Variants in MMAA observed in about 807,000 individuals in gnomAD.
MMAA encodes the protein methylmalonic aciduria type A protein, mitochondrial.
Under a neutral mutation model 45.0 loss-of-function variants are expected in MMAA, and 41 were observed. The ratio of observed to expected loss-of-function variants is 0.91; its 90% CI spans 0.71 to 1.18. MMAA has a LOEUF of 1.18. Among genes scored for constraint, MMAA ranks in the 50% most tolerant of loss-of-function variants. MMAA has a pLI of 0.00. For synonymous variants in MMAA, 154 were observed against 178.2 expected, an observed-to-expected ratio of 0.86 and a Z score of 1.08; for missense variants, 460 against 495.7, an observed-to-expected ratio of 0.93 and a Z score of 0.68.
intron 1 of MMAA, among the ~76,000 whole-genome samples, chr4:145,637,795 A>C (rs1391873953): frequency 6.6e-6 from 1 of 152,202 alleles, no homozygotes; most frequent in East Asian, 1.9e-4. Context: ...AGCTAAGGTT[A>C]ATTGAGCTCT....
At chr4:145,641,102 A>G (rs1005905758) in intron 2 of MMAA, among the ~76,000 whole-genome samples, 13 of 152,180 alleles carry the variant, frequency 8.5e-5, no homozygotes, top group African/African-American at 3.1e-4. Flanking sequence ...CAGACTTCTT[A>G]ATCTTCTGCC....
chr4:145,654,621 C>T (rs1437126473), intron 6 of MMAA, among the ~76,000 whole-genome samples: 5 of 152,152 alleles, frequency 3.3e-5, no homozygotes, highest in African/African-American at 1.2e-4. Flanking sequence ...ATAATGAGGA[C>T]AATGATGACT....
intron 1 of MMAA, chr4:145,624,325 G>A: frequency 1.3e-6 from 1 of 789,610 alleles, no homozygotes; most frequent in East Asian, 2.4e-5. Context: ...TTTCGAAGCA[G>A]TCACTTGTCT....
chr4:145,639,908 A>G lies in MMAA; in HGVS notation c.439+330A>G, dbSNP rs374709520. The G allele has an allele frequency of 3.4e-5, 29 of 852,610 alleles. No individual in the cohort carries two copies. In the East Asian group the frequency reaches 1.6e-3, roughly 46 times the overall value. The allele number at this position is 852,610 out of a possible 1,614,324, so 52.8% of individuals were successfully genotyped here. A position where few individuals can be genotyped will look rare whatever the true frequency, so the allele number is the denominator to read the frequency against. On this transcript the variant is annotated intron_variant, in intron 2 of 6. Coordinates refer to ENST00000649156, the MANE Select transcript of MMAA (RefSeq NM_172250.3). ...TTCTTTTAGTAGTCCTTCTGCTTAA[A>G]TAGTTTAAAGTGAATTCCCTGTTTT...
chr4:145,643,968 G>GA (rs1463977692), intron 3 of MMAA, among the ~76,000 whole-genome samples: 1 of 151,818 alleles, frequency 6.6e-6, no homozygotes, highest in Non-Finnish European at 1.5e-5. Context: ...GACTTTGAAA[G>GA]AAAAAAATAC....
chr4:145,651,790 G>A (rs556591958), intron 5 of MMAA, among the ~76,000 whole-genome samples: 52 of 152,318 alleles, frequency 3.4e-4, no homozygotes, highest in African/African-American at 1.2e-3. Context: ...TCCACAGACT[G>A]GGGGTAAGGG....
At position 145,657,081 on chromosome 4, in the gene MMAA, GC is replaced by G. The variant is rs1368678605; in HGVS notation, c.*1649del. ...TGTTACAGGGAATAACAAATCTCCT[GC>G]CACATGTGGCACAGTGTAAGTAATG... On this transcript the variant is annotated 3_prime_UTR_variant, in exon 7 of 7. Transcript: ENST00000649156. The G allele has an allele frequency of 6.6e-6, 1 of 152,128 alleles. No individual in the cohort carries two copies. Among genetic ancestry groups the G allele is most frequent in the East Asian group, 1.9e-4 (1 of 5,186 alleles). The allele number at this position is 152,128 out of a possible 1,614,324, so 9.4% of individuals were successfully genotyped here. A position where few individuals can be genotyped will look rare whatever the true frequency, so the allele number is the denominator to read the frequency against.
At chr4:145,637,176 G>C (rs1727638627) in intron 1 of MMAA, among the ~76,000 whole-genome samples, 1 of 152,102 alleles carries the variant, frequency 6.6e-6, no homozygotes, top group Non-Finnish European at 1.5e-5. Flanking sequence ...AGAAAATAGT[G>C]GTTGAATAAA....
intron 1 of MMAA, chr4:145,624,216 A>G: frequency 1.2e-6 from 1 of 827,814 alleles, no homozygotes; most frequent in Non-Finnish European, 2.2e-6. Flanking sequence ...TAAGCTGCAT[A>G]CAGGCAAAGA....
Position 145,653,999 on chromosome 4 carries a change from CAAAAGGGG to C in MMAA, c.826_833del (p.Lys276TyrfsTer12). ...AATGTTTCTGATCTCTTTAGGGTAT[CAAAAGGGG>C]TATAATCGAGATGGCAGATCTGGTA... On this transcript the variant is annotated frameshift_variant, in exon 6 of 7. Transcript: ENST00000649156. LOFTEE classifies it high-confidence loss of function. 6.2e-7 allele frequency: 1 copy of C among 1,614,028 alleles called. No individual in the cohort carries two copies. Among genetic ancestry groups the C allele is most frequent in the Non-Finnish European group, 8.5e-7 (1 of 1,179,966 alleles).
chr4:145,648,086 C>T (rs2126624607), intron 4 of MMAA, among the ~76,000 whole-genome samples: 1 of 150,368 alleles, frequency 6.7e-6, no homozygotes, highest in African/African-American at 2.5e-5. Context: ...GTCTCGAACT[C>T]CTGACCTTGT....
intron 1 of MMAA, among the ~76,000 whole-genome samples, chr4:145,635,543 T>G (rs745811568): frequency 9.2e-5 from 14 of 152,226 alleles, no homozygotes; most frequent in Non-Finnish European, 1.8e-4. Flanking sequence ...AAATGATTGG[T>G]GAAGCCTTGT....
intron 1 of MMAA, among the ~76,000 whole-genome samples, chr4:145,631,969 T>G (rs1445144489): frequency 1.3e-5 from 2 of 152,234 alleles, no homozygotes; most frequent in African/African-American, 4.8e-5. Flanking sequence ...TTGTTGTTTC[T>G]GTTCATATAT....
chr4:145,644,783 G>A (rs1173056202), intron 3 of MMAA, among the ~76,000 whole-genome samples: 2 of 152,164 alleles, frequency 1.3e-5, no homozygotes, highest in Non-Finnish European at 2.9e-5. Context: ...CAAGTTTGGC[G>A]GTAGTGACAT....
intron 1 of MMAA, among the ~76,000 whole-genome samples, chr4:145,629,741 G>T (rs983413106): frequency 6.6e-6 from 1 of 152,162 alleles, no homozygotes; most frequent in Admixed American, 6.5e-5. Context: ...CCCATCTTAC[G>T]TGGATGGCGG....
At chr4:145,626,330 C>T (rs374978477) in intron 1 of MMAA, among the ~76,000 whole-genome samples, 10 of 152,254 alleles carry the variant, frequency 6.6e-5, no homozygotes, top group African/African-American at 2.4e-4. Flanking sequence ...TATATTGGCT[C>T]TTAAAAAATT....
chr4:145,633,267 C>T (rs56157433), intron 1 of MMAA, among the ~76,000 whole-genome samples: 10,618 of 135,738 alleles, frequency 0.078, 502 homozygotes, highest in South Asian at 0.15. Context: ...GATGCGATCT[C>T]GGCTCACCAC....
rs564966060 is a variant in MMAA, at chr4:145,622,060, C to G, written c.-66+2653C>G. Among the ~76,000 whole-genome samples, 11 of 152,198 alleles carry G rather than the reference C, an allele frequency of 7.2e-5. No individual in the cohort carries two copies. The South Asian group carries it at 2.1e-3, about 29-fold the overall frequency. On this transcript the variant is annotated intron_variant, in intron 1 of 6. Transcript: ENST00000649156. ...TGAGCAAATAATTGTGCTATAAATACAAAGATAACTGATATGGTTTGGCTG... is the reference window on the plus strand; with the variant it reads ...TGAGCAAATAATTGTGCTATAAATAGAAAGATAACTGATATGGTTTGGCTG...
At chr4:145,648,137 C>T (rs537053532) in intron 4 of MMAA, among the ~76,000 whole-genome samples, 2 of 143,492 alleles carry the variant, frequency 1.4e-5, no homozygotes, top group South Asian at 2.2e-4. Flanking sequence ...TGTGATCCAC[C>T]GTGCCTGGCC....
Sources: allele counts gnomAD v4.1 joint callset (sites outside exome capture counted in the v4.1 genomes callset), GRCh38; gene constraint gnomAD v4.1.1; transcripts MANE v1.5; gene names NCBI Gene and HGNC (gene_info 2026-07-23, HGNC 2026-07-21).